Variants in RLF observed in about 807,000 individuals in gnomAD.
RLF encodes RLF zinc finger.
In RLF, 7 loss-of-function variants were observed where a neutral mutation model predicts 162.9. The observed-to-expected ratio is 0.04, with a 90% CI of 0.02 to 0.08. The LOEUF (loss-of-function observed/expected upper bound fraction) is 0.08, where lower values mean the gene tolerates loss of function less well. Ranked by LOEUF, RLF falls within the 10% of genes least tolerant of loss-of-function variation. The probability of loss-of-function intolerance (pLI) is 1.00; values close to 1 mark genes in which losing one functional copy is unlikely to be tolerated. For synonymous variants in RLF, 782 were observed against 791.5 expected, an observed-to-expected ratio of 0.99 and a Z score of 0.20; for missense variants, 1,664 against 2,244.7, an observed-to-expected ratio of 0.74 and a Z score of 5.23.
intron 4 of RLF, among the ~76,000 whole-genome samples, chr1:40,200,675 C>T (rs1642699548): frequency 6.6e-6 from 1 of 151,596 alleles, no homozygotes; most frequent in Admixed American, 6.6e-5. Flanking sequence ...GGTGGGAAAC[C>T]AGAGCACTGG....
intron 1 of RLF, among the ~76,000 whole-genome samples, chr1:40,173,119 C>G (rs1642270544): frequency 1.4e-5 from 2 of 142,706 alleles, no homozygotes; most frequent in South Asian, 4.2e-4. Flanking sequence ...TCTTATTGCC[C>G]AGGCTGGAGT....
chr1:40,162,915 T>C (rs1373522630), intron 1 of RLF, among the ~76,000 whole-genome samples: 1 of 152,210 alleles, frequency 6.6e-6, no homozygotes, highest in Non-Finnish European at 1.5e-5. Flanking sequence ...CTTCATAGGA[T>C]AGTGCCAGGG....
chr1:40,164,833 A>G (rs1032069514), intron 1 of RLF, among the ~76,000 whole-genome samples: 1 of 152,246 alleles, frequency 6.6e-6, no homozygotes, highest in African/African-American at 2.4e-5. Flanking sequence ...AACCACGTTT[A>G]TATGAGACAC....
chr1:40,220,840 A>G (rs1642982785), intron 5 of RLF, among the ~76,000 whole-genome samples: 1 of 152,080 alleles, frequency 6.6e-6, no homozygotes, highest in South Asian at 2.1e-4. Flanking sequence ...AAAGTTAAAT[A>G]ATAGGGCCAG....
intron 5 of RLF, among the ~76,000 whole-genome samples, chr1:40,214,044 G>C (rs1181466772): frequency 6.6e-6 from 1 of 152,122 alleles, no homozygotes; most frequent in African/African-American, 2.4e-5. Context: ...TTTGTTTTCT[G>C]CAGTGGCCAA....
At chr1:40,215,299 A>G (rs1241472510) in intron 5 of RLF, among the ~76,000 whole-genome samples, 1 of 152,204 alleles carries the variant, frequency 6.6e-6, no homozygotes, top group Non-Finnish European at 1.5e-5. Flanking sequence ...GCAGACATCT[A>G]TAGACTACTC....
intron 4 of RLF, among the ~76,000 whole-genome samples, chr1:40,201,407 T>C (rs577666182): frequency 2.4e-4 from 36 of 151,606 alleles, no homozygotes; most frequent in Non-Finnish European, 3.2e-4. Flanking sequence ...GGGTGGATCA[T>C]GAGGTCAGGA....
intron 4 of RLF, among the ~76,000 whole-genome samples, chr1:40,199,591 A>G (rs1447691079): frequency 6.6e-6 from 1 of 152,212 alleles, no homozygotes; most frequent in African/African-American, 2.4e-5. Flanking sequence ...ACGTTTGTAC[A>G]CTATAATCCC....
chr1:40,200,801 G>A (rs937122842), intron 4 of RLF, among the ~76,000 whole-genome samples: 5 of 142,196 alleles, frequency 3.5e-5, no homozygotes, highest in East Asian at 2.2e-4. Context: ...ATAATGTTAC[G>A]ATTGATTCTC....
chr1:40,237,941 C>T lies in RLF; in HGVS notation c.3239C>T (p.Ser1080Phe). 1 of 1,614,120 alleles carries T rather than the reference C, an allele frequency of 6.2e-7. No homozygotes were observed. The highest frequency in any genetic ancestry group is 8.5e-7 in the Non-Finnish European group (1 of 1,179,980). ...LSLKNSITHGSFSGSLQGYPS... is the reference protein window; with the variant it reads ...LSLKNSITHGFFSGSLQGYPS... ...TTGAAAAACTCAATAACACATGGAT[C>T]TTTCTCAGGGTCATTGCAGGGGTAC... The change falls in exon 8 of 8, where the codon TCT (serine) becomes TTT (phenylalanine). Residue 1080 changes from serine (S) to phenylalanine (F), a missense_variant. Around this residue, in one of 15 missense-constraint regions of RLF, gnomAD observed 295 missense variants for 317.4 expected, o/e 0.93. Transcript: ENST00000372771. This position sits in a 1 kb window ranked among gnomAD's most constrained non-coding sequence, Gnocchi z 4.4.
At position 40,173,375 on chromosome 1, in the gene RLF, C is replaced by T. The variant is rs78245989; in HGVS notation, c.237+11739C>T. On this transcript the variant is annotated intron_variant, in intron 1 of 7. Transcript: ENST00000372771. ...ACAGGTATGAGCCACCACGCCTGGC[C>T]TACATTCAGGTATTTTTATATGTAT... 2.2e-3 allele frequency among the ~76,000 whole-genome samples: 336 copies of T among 152,030 alleles called. 1 individual carries two copies. Among genetic ancestry groups the T allele is most frequent in the African/African-American group, 7.7e-3 (321 of 41,472 alleles).
intron 6 of RLF, among the ~76,000 whole-genome samples, chr1:40,228,431 A>G (rs1431541473): frequency 6.6e-6 from 1 of 151,336 alleles, no homozygotes; most frequent in Non-Finnish European, 1.5e-5. Flanking sequence ...AAATACGAAA[A>G]TTAGCTGGGC....
At chr1:40,205,347 AAAAAT>A (rs923662973) in intron 5 of RLF, among the ~76,000 whole-genome samples, 8 of 152,170 alleles carry the variant, frequency 5.3e-5, no homozygotes, top group Admixed American at 4.6e-4. Context: ...CTGTCTTCAA[AAAAAT>A]AAAATAAAAT....
chr1:40,235,773 T>C lies in RLF; in HGVS notation c.1090-19T>C. On this transcript the variant is annotated intron_variant, in intron 7 of 7. Transcript: ENST00000372771. ...TCTGTATGCAAAAAAATAATTTTTT[T>C]ATCCTCTTTTACTTACAGGCACAAG... 1 of 1,477,828 alleles carries C rather than the reference T, an allele frequency of 6.8e-7. No individual in the cohort carries two copies. Among genetic ancestry groups the C allele is most frequent in the Non-Finnish European group, 9.0e-7 (1 of 1,113,176 alleles). 91.5% of individuals were successfully genotyped at this position (1,477,828 alleles called of 1,614,324 possible). A position where few individuals can be genotyped will look rare whatever the true frequency, so the allele number is the denominator to read the frequency against.
chr1:40,217,117 CTA>C (rs1206728227), intron 5 of RLF, among the ~76,000 whole-genome samples: 2 of 152,142 alleles, frequency 1.3e-5, no homozygotes, highest in African/African-American at 4.8e-5. Flanking sequence ...CTCTTTGCCT[CTA>C]TATTCTCCTC....
intron 1 of RLF, among the ~76,000 whole-genome samples, chr1:40,182,795 T>TAGATA (rs1557741418): frequency 1.5e-5 from 2 of 133,600 alleles, no homozygotes; most frequent in African/African-American, 5.8e-5. Flanking sequence ...ATAGATAGAG[T>TAGATA]AATAAGTTAG....
chr1:40,234,931 A>G (rs879319730), intron 7 of RLF, among the ~76,000 whole-genome samples: 4 of 152,198 alleles, frequency 2.6e-5, no homozygotes, highest in Admixed American at 2.0e-4. Flanking sequence ...TTCCCTGGAA[A>G]GCTGAGATTC....
chr1:40,177,313 G>A (rs1384760492), intron 1 of RLF, among the ~76,000 whole-genome samples: 8 of 147,876 alleles, frequency 5.4e-5, no homozygotes, highest in Admixed American at 2.0e-4. Flanking sequence ...TTTGGGAGGC[G>A]GAGTCTTGCT....
intron 3 of RLF, among the ~76,000 whole-genome samples, chr1:40,194,956 C>G (rs1642611701): frequency 6.6e-6 from 1 of 151,606 alleles, no homozygotes; most frequent in Admixed American, 6.6e-5. Flanking sequence ...GCCTCAGCCT[C>G]CCGAGTAGCT....
Sources: allele counts gnomAD v4.1 joint callset (sites outside exome capture counted in the v4.1 genomes callset), GRCh38; gene constraint gnomAD v4.1.1; regional missense constraint gnomAD v4.1.1; non-coding constraint Gnocchi (gnomAD v3.1); transcripts MANE v1.5; gene names NCBI Gene and HGNC (gene_info 2026-07-23, HGNC 2026-07-21).